IFT122: variants seen among roughly 807,000 people sequenced by gnomAD.
IFT122 encodes intraflagellar transport 122.
In IFT122, 118 loss-of-function variants were observed where a neutral mutation model predicts 161.6. That is an observed-to-expected ratio of 0.73 (90% CI 0.63 to 0.85). The LOEUF (loss-of-function observed/expected upper bound fraction) is 0.85, where lower values mean the gene tolerates loss of function less well. IFT122 is among the 40% of genes least tolerant of loss of function. IFT122 has a pLI of 0.00. For missense variants in IFT122, 1,381 were observed against 1,579.6 expected, an observed-to-expected ratio of 0.87 and a Z score of 2.13; for synonymous variants, 550 against 602.4, an observed-to-expected ratio of 0.91 and a Z score of 1.27.
chr3:129,442,145 G>A (rs9821282), intron 1 of IFT122, among the ~76,000 whole-genome samples: 57,957 of 152,100 alleles, frequency 0.38, 17,840 homozygotes, highest in African/African-American at 0.83. Context: ...TTTGCTGGCC[G>A]AATGCAGCCT....
Position 129,512,427 on chromosome 3 carries a change from AT to A in IFT122, c.2987+16del. ...ATCTCTAAAGTGTATCCTTTCTCTT[AT>A]CCCTCCTCCGTCCCACCACCGTTCT... On this transcript the variant is annotated intron_variant, in intron 24 of 29. Coordinates refer to ENST00000348417, the MANE Select transcript of IFT122 (RefSeq NM_052989.3). 6.5e-7 allele frequency: 1 copy of A among 1,543,642 alleles called. No homozygotes were observed. The highest frequency in any genetic ancestry group is 1.4e-5 in the African/African-American group (1 of 73,528).
intron 16 of IFT122, among the ~76,000 whole-genome samples, chr3:129,491,052 GA>G (rs1196292142): frequency 6.6e-6 from 1 of 152,168 alleles, no homozygotes; most frequent in African/African-American, 2.4e-5. Context: ...TTAGAATGTG[GA>G]CCTCTGAATT....
intron 5 of IFT122, among the ~76,000 whole-genome samples, chr3:129,462,060 G>T (rs1202840358): frequency 6.6e-6 from 1 of 152,150 alleles, no homozygotes; most frequent in African/African-American, 2.4e-5. Flanking sequence ...TATCTAAAAG[G>T]AGCATGCTAC....
At chr3:129,466,131 A>G (rs922540503) in intron 7 of IFT122, among the ~76,000 whole-genome samples, 2 of 152,172 alleles carry the variant, frequency 1.3e-5, no homozygotes, top group African/African-American at 2.4e-5. Context: ...TATATATCCT[A>G]TAATATTATT....
At chr3:129,498,651 G>A (rs552081163) in intron 18 of IFT122, among the ~76,000 whole-genome samples, 38 of 152,184 alleles carry the variant, frequency 2.5e-4, no homozygotes, top group Middle Eastern at 3.4e-3. Flanking sequence ...AGCAAATGAG[G>A]GAAAAAAGCG....
intron 3 of IFT122, among the ~76,000 whole-genome samples, chr3:129,456,831 G>A (rs201825266): frequency 1.3e-5 from 2 of 152,180 alleles, no homozygotes; most frequent in South Asian, 4.1e-4. Flanking sequence ...CAGGATAATC[G>A]CTTGAACCCG....
At position 129,506,380 on chromosome 3, in the gene IFT122, C is replaced by CT. The variant is rs757623089; in HGVS notation, c.2651-23dup. On this transcript the variant is annotated intron_variant, in intron 21 of 29. Coordinates refer to ENST00000348417, the MANE Select transcript of IFT122 (RefSeq NM_052989.3). ...TGTGTGACTTCCTAAATAGCATGTG[C>CT]TTTTTTCCTCCCTCCACCACTCCTA... The CT allele has an allele frequency of 9.3e-6, 15 of 1,611,226 alleles. 1 individual carries two copies. In the South Asian group the frequency reaches 1.5e-4, roughly 17 times the overall value.
At chr3:129,493,044 G>A (rs143033502) in intron 17 of IFT122, among the ~76,000 whole-genome samples, 157 of 151,992 alleles carry the variant, frequency 1.0e-3, no homozygotes, top group African/African-American at 3.6e-3. Flanking sequence ...TTTCAAATTC[G>A]TGGGCTCAAG....
In IFT122 at chr3:129,500,078, G is replaced by C; in HGVS notation, c.2375+10G>C. 1 of 1,614,098 alleles carries C rather than the reference G, an allele frequency of 6.2e-7. No individual in the cohort carries two copies. Among genetic ancestry groups the C allele is most frequent in the Non-Finnish European group, 8.5e-7 (1 of 1,180,008 alleles). ...ATGGCTGGGTTGACATGTAGGTTTT[G>C]GTCCCTGCCCCGAGAAGCATTTGGC... On this transcript the variant is annotated intron_variant, in intron 19 of 29. Coordinates refer to ENST00000348417, the MANE Select transcript of IFT122 (RefSeq NM_052989.3).
chr3:129,457,004 G>A (rs1297889713), intron 3 of IFT122, among the ~76,000 whole-genome samples: 1 of 152,198 alleles, frequency 6.6e-6, no homozygotes, highest in Non-Finnish European at 1.5e-5. Context: ...TTCAGATGAA[G>A]GCATTGAGGC....
intron 18 of IFT122, among the ~76,000 whole-genome samples, chr3:129,497,897 C>A (rs1349329486): frequency 3.9e-5 from 6 of 152,146 alleles, no homozygotes; most frequent in South Asian, 2.1e-4. Flanking sequence ...AAATTACATT[C>A]CCACGTACAA....
At chr3:129,481,725 A>T (rs1218091358) in intron 14 of IFT122, 31 bp downstream of exon 14, 1 of 1,610,836 alleles carries the variant, frequency 6.2e-7, no homozygotes, top group African/African-American at 1.3e-5. Context: ...CAGGGACATC[A>T]TCCTTTGATT....
At chr3:129,506,026 G>A (rs538299047) in intron 21 of IFT122, among the ~76,000 whole-genome samples, 1 of 152,322 alleles carries the variant, frequency 6.6e-6, no homozygotes, top group East Asian at 1.9e-4. Flanking sequence ...GTGCAGTAAA[G>A]TGGCAGGTCC....
intron 14 of IFT122, among the ~76,000 whole-genome samples, 157 bp downstream of exon 14, chr3:129,481,851 C>T (rs1442342386): frequency 6.6e-6 from 1 of 152,242 alleles, no homozygotes; most frequent in Non-Finnish European, 1.5e-5. Flanking sequence ...GGCCCTGGGC[C>T]ACAACCTGCT....
In IFT122 at chr3:129,514,409, C is replaced by T; in HGVS notation, c.3008C>T (p.Ala1003Val). The change falls in exon 25 of 30, where the codon GCC becomes GTC. Residue 1003 changes from alanine to valine, a missense_variant. Transcript: ENST00000348417. ...GGCAGGAAAATACTCTTCACCTTGGCCAAGCAGAGCAAGGCCCTCGGTGCC... is the reference window on the plus strand; with the variant it reads ...GGCAGGAAAATACTCTTCACCTTGGTCAAGCAGAGCAAGGCCCTCGGTGCC... Reference protein sequence around the residue: ...ISKVKILFTLAKQSKALGAYR... With the variant: ...ISKVKILFTLVKQSKALGAYR... 1 of 1,614,128 alleles carries T rather than the reference C, an allele frequency of 6.2e-7. No individual in the cohort carries two copies.
intron 18 of IFT122, among the ~76,000 whole-genome samples, chr3:129,497,772 A>G (rs762123045): frequency 9.2e-5 from 14 of 152,310 alleles, no homozygotes; most frequent in Non-Finnish European, 1.8e-4. Context: ...TTTGAGAAAT[A>G]TGTACCTACA....
intron 9 of IFT122, among the ~76,000 whole-genome samples, chr3:129,471,183 A>G (rs981141268): frequency 6.6e-6 from 1 of 152,212 alleles, no homozygotes; most frequent in African/African-American, 2.4e-5. Flanking sequence ...TCCTCAAAAC[A>G]TGTCATGTAA....
At chr3:129,476,240 A>G (rs1355083193) in intron 9 of IFT122, 75 bp from the exon 10 acceptor site, 1 of 1,539,712 alleles carries the variant, frequency 6.5e-7, no homozygotes, top group Non-Finnish European at 8.9e-7. Flanking sequence ...TTGGCGAGAA[A>G]AAGCCCTTAA....
At chr3:129,453,748 G>GATT (rs1282988916) in intron 3 of IFT122, among the ~76,000 whole-genome samples, 3 of 152,156 alleles carry the variant, frequency 2.0e-5, no homozygotes, top group Admixed American at 6.5e-5. Context: ...TTACAGTTGG[G>GATT]GTACCAGGTG....
Sources: gnomAD v4.1 joint callset for allele counts (sites outside exome capture counted in the v4.1 genomes callset) on GRCh38, gnomAD v4.1.1 for gene constraint, MANE v1.5 for transcripts, NCBI Gene and HGNC (gene_info 2026-07-23, HGNC 2026-07-21) for gene names.